Variants in CACNA1E observed in about 807,000 individuals in gnomAD.
The protein encoded by CACNA1E is voltage-dependent R-type calcium channel subunit alpha-1E.
Under a neutral mutation model 259.2 loss-of-function variants are expected in CACNA1E, and 40 were observed. The observed-to-expected ratio is 0.15, with a 90% CI of 0.12 to 0.20. CACNA1E has a LOEUF of 0.20. CACNA1E is among the 10% of genes least tolerant of loss of function. The probability of loss-of-function intolerance (pLI) is 1.00; values close to 1 mark genes in which losing one functional copy is unlikely to be tolerated. For synonymous variants in CACNA1E, 1,104 were observed against 1,138.5 expected (o/e 0.97, Z 0.61); for missense variants, 1,874 against 3,040.1 (o/e 0.62, Z 9.02).
chr1:181,759,013 C>T (rs531926920), intron 32 of CACNA1E, 145 bp downstream of exon 32: 40 of 586,538 alleles, frequency 6.8e-5, no homozygotes, highest in Admixed American at 5.4e-4. Context: ...AGTAAACTGC[C>T]GTAGAGACAA....
intron 7 of CACNA1E, among the ~76,000 whole-genome samples, chr1:181,675,827 G>GGGCTC (rs982868704): frequency 6.1e-4 from 93 of 152,264 alleles, no homozygotes; most frequent in Admixed American, 1.0e-3. Context: ...GCAGCCTCCC[G>GGGCTC]GGCTCTGGAC....
chr1:181,737,593 C>T lies in CACNA1E; in HGVS notation c.3491C>T (p.Ala1164Val), dbSNP rs377232916. 3.0e-5 allele frequency: 49 copies of T among 1,613,850 alleles called. No individual in the cohort carries two copies. Among genetic ancestry groups the T allele is most frequent in the Non-Finnish European group, 4.0e-5 (47 of 1,179,854 alleles). The change falls in exon 23 of 48, where the codon GCA (alanine) becomes GTA (valine). Residue 1164 changes from alanine (A) to valine (V), a missense_variant. By Grantham distance (64) the Ala-to-Val change is moderately conservative. Coordinates refer to ENST00000367573, the MANE Select transcript of CACNA1E (RefSeq NM_001205293.3). ...YFEMCILLVI[A>V]ASSIALAAED... ...GAGATGTGCATCCTCCTGGTGATTG[C>T]AGCCAGCAGCATCGCCCTGGCGGCA...
intron 7 of CACNA1E, among the ~76,000 whole-genome samples, chr1:181,667,902 A>T (rs967915592): frequency 1.3e-5 from 2 of 152,066 alleles, no homozygotes; most frequent in African/African-American, 4.8e-5. Flanking sequence ...GTTGTAAAAA[A>T]TTACAGGGAG....
chr1:181,451,959 C>G (rs1013496579), intron 2 of CACNA1E, among the ~76,000 whole-genome samples: 1 of 152,192 alleles, frequency 6.6e-6, no homozygotes, highest in Non-Finnish European at 1.5e-5. Context: ...CCTCAATGAA[C>G]TAATTGGGGT....
intron 6 of CACNA1E, among the ~76,000 whole-genome samples, chr1:181,621,089 T>C (rs1655681614): frequency 6.6e-6 from 1 of 152,240 alleles, no homozygotes; most frequent in African/African-American, 2.4e-5. Flanking sequence ...GAAATATTTA[T>C]CGTCTGGCAT....
intron 6 of CACNA1E, among the ~76,000 whole-genome samples, chr1:181,608,064 G>T (rs369472317): frequency 6.6e-6 from 1 of 152,146 alleles, no homozygotes. Context: ...CTGCCTGACC[G>T]TGACCACAGA....
intron 2 of CACNA1E, among the ~76,000 whole-genome samples, chr1:181,474,064 T>G (rs1662683933): frequency 6.6e-6 from 1 of 150,600 alleles, no homozygotes; most frequent in South Asian, 2.1e-4. Context: ...TAATTATTCT[T>G]TATTTGTTTG....
intron 2 of CACNA1E, among the ~76,000 whole-genome samples, chr1:181,421,269 C>A (rs367621447): frequency 2.0e-5 from 3 of 152,174 alleles, no homozygotes; most frequent in African/African-American, 7.2e-5. Context: ...CACTTTGTAA[C>A]CTCCGCATTT....
intron 1 of CACNA1E, among the ~76,000 whole-genome samples, chr1:181,337,093 C>A (rs1369817664): frequency 2.0e-5 from 3 of 150,942 alleles, no homozygotes; most frequent in East Asian, 3.9e-4. Context: ...TACAGCCAAG[C>A]AAATTAACAT....
rs1364715289 is a variant in CACNA1E at position 181,492,993 on chromosome 1, A to G, written c.266+8983A>G. 3.9e-5 allele frequency among the ~76,000 whole-genome samples: 6 copies of G among 152,284 alleles called. No individual in the cohort carries two copies. In the East Asian group the frequency reaches 9.7e-4, roughly 25 times the overall value. On this transcript the variant is annotated intron_variant, in intron 1 of 47. Coordinates refer to ENST00000367573, the MANE Select transcript of CACNA1E (RefSeq NM_001205293.3). ...GTCTAGATGACCTCAGTAAGTGTCT[A>G]GATGGCATCTAGATGACTCTTTTTG...
intron 3 of CACNA1E, among the ~76,000 whole-genome samples, chr1:181,556,736 A>C (rs1648764310): frequency 6.6e-6 from 1 of 152,230 alleles, no homozygotes; most frequent in Non-Finnish European, 1.5e-5. Flanking sequence ...CACTGTGGTC[A>C]TAATGAGGTC....
At chr1:181,627,464 G>A (rs1231540986) in intron 6 of CACNA1E, among the ~76,000 whole-genome samples, 4 of 152,184 alleles carry the variant, frequency 2.6e-5, no homozygotes, top group African/African-American at 9.7e-5. Flanking sequence ...AGGAGTGGGG[G>A]GAGATAAGGC....
intron 1 of CACNA1E, among the ~76,000 whole-genome samples, chr1:181,346,901 G>A (rs571185429): frequency 1.3e-4 from 20 of 152,240 alleles, no homozygotes; most frequent in African/African-American, 3.6e-4. Context: ...AGCAAACCCC[G>A]GGTGGTGTGT....
chr1:181,514,863 C>G (rs922088905), intron 3 of CACNA1E, among the ~76,000 whole-genome samples: 9 of 152,150 alleles, frequency 5.9e-5, no homozygotes, highest in Admixed American at 2.6e-4. Flanking sequence ...GTTCTTTGGC[C>G]TATAAGTTGA....
chr1:181,567,432 A>G (rs1649956910), intron 3 of CACNA1E, among the ~76,000 whole-genome samples: 2 of 152,222 alleles, frequency 1.3e-5, no homozygotes, highest in South Asian at 2.1e-4. Flanking sequence ...ATTGAGCAAT[A>G]TACCCCACCA....
intron 6 of CACNA1E, among the ~76,000 whole-genome samples, chr1:181,592,733 C>T (rs1270585213): frequency 6.6e-6 from 1 of 152,042 alleles, no homozygotes; most frequent in Non-Finnish European, 1.5e-5. Context: ...TGATGCTTGA[C>T]CAAGGACAGC....
At chr1:181,681,255 C>T (rs761034368) in intron 7 of CACNA1E, among the ~76,000 whole-genome samples, 3 of 152,218 alleles carry the variant, frequency 2.0e-5, no homozygotes, top group African/African-American at 4.8e-5. Context: ...TCCCCAACTT[C>T]TGCCTCTCCT....
intron 33 of CACNA1E, among the ~76,000 whole-genome samples, 182 bp downstream of exon 33, chr1:181,762,839 G>C (rs890679947): frequency 8.5e-5 from 13 of 152,188 alleles, no homozygotes; most frequent in African/African-American, 3.1e-4. Context: ...AGTGGCACTG[G>C]ATCTCCAGGA....
In CACNA1E at chr1:181,423,746, A is replaced by C. The variant is rs1658945072; in HGVS notation, c.434+10166A>C. 2.7e-5 allele frequency among the ~76,000 whole-genome samples: 4 copies of C among 149,090 alleles called. No individual in the cohort carries two copies. In the South Asian group the frequency reaches 8.6e-4, roughly 32 times the overall value. ...AGACTAAGTGGAGACCTCAGTCCAC[A>C]TGCTGCCACCTGCTGCCAGCATCAG... On this transcript the variant is annotated intron_variant, in intron 2 of 11. Coordinates refer to the CACNA1E transcript ENST00000524607.
Sources: gnomAD v4.1 joint callset for allele counts (sites outside exome capture counted in the v4.1 genomes callset) on GRCh38, gnomAD v4.1.1 for gene constraint, MANE v1.5 for transcripts, NCBI Gene and HGNC (gene_info 2026-07-23, HGNC 2026-07-21) for gene names.